The following PARVA variants were observed in gnomAD, a reference collection of about 807,000 sequenced individuals.
PARVA encodes the protein alpha-parvin.
PARVA carries 25 observed loss-of-function variants against 52.6 expected under a neutral mutation model. The observed-to-expected ratio is 0.48, with a 90% confidence interval of 0.35 to 0.66. PARVA has a LOEUF of 0.66. Among genes scored for constraint, PARVA ranks in the 30% least tolerant of loss-of-function variants. The probability of loss-of-function intolerance (pLI) is 0.01; values close to 1 mark genes in which losing one functional copy is unlikely to be tolerated. For synonymous variants in PARVA, 185 were observed against 179.1 expected, an observed-to-expected ratio of 1.03 and a Z score of -0.26; for missense variants, 373 against 450.9, an observed-to-expected ratio of 0.83 and a Z score of 1.56.
At chr11:12,458,372 G>A (rs1045527674) in intron 1 of PARVA, among the ~76,000 whole-genome samples, 7 of 152,230 alleles carry the variant, frequency 4.6e-5, no homozygotes, top group African/African-American at 1.2e-4. Context: ...ACCTGAGCCA[G>A]GCTAGGGACA....
chr11:12,521,442 A>G (rs7928190), intron 12 of PARVA, among the ~76,000 whole-genome samples: 9,575 of 152,272 alleles, frequency 0.063, 753 homozygotes, highest in African/African-American at 0.19. Flanking sequence ...ATTTTTATTC[A>G]GTCCCTATTT....
intron 4 of PARVA, among the ~76,000 whole-genome samples, chr11:12,488,100 C>G (rs562615122): frequency 4.6e-4 from 70 of 152,216 alleles, no homozygotes; most frequent in South Asian, 1.7e-3. Context: ...AAAGAGGAAA[C>G]TACTTAAATA....
chr11:12,516,071 T>C (rs1253137521), intron 10 of PARVA, among the ~76,000 whole-genome samples: 1 of 152,184 alleles, frequency 6.6e-6, no homozygotes, highest in Non-Finnish European at 1.5e-5. Flanking sequence ...ACTCCTGAGC[T>C]CAAGCGATCC....
At chr11:12,380,502 C>G (rs936774618) in intron 1 of PARVA, among the ~76,000 whole-genome samples, 2 of 150,984 alleles carry the variant, frequency 1.3e-5, no homozygotes, top group African/African-American at 4.9e-5. Flanking sequence ...TCTCTGTCTT[C>G]TTGCCCGTGC....
chr11:12,428,253 T>C (rs1396901656), intron 1 of PARVA, among the ~76,000 whole-genome samples: 1 of 152,170 alleles, frequency 6.6e-6, no homozygotes, highest in Non-Finnish European at 1.5e-5. Context: ...GAAAGTAATA[T>C]GGTTTTTCTA....
Position 12,418,096 on chromosome 11 carries a change from G to C in PARVA, c.136+40313G>C, listed in dbSNP as rs1475118543. On this transcript the variant is annotated intron_variant, in intron 1 of 12. Transcript: ENST00000334956. ...AAGGTTCCTGCTGGCACCCCCACTG[G>C]GCTCAGATAAGAATCAGGAACCGAA... 2.0e-5 allele frequency among the ~76,000 whole-genome samples: 3 copies of C among 152,204 alleles called. No individual in the cohort carries two copies. The South Asian group carries it at 6.2e-4, about 32-fold the overall frequency.
intron 1 of PARVA, among the ~76,000 whole-genome samples, chr11:12,466,994 A>C (rs1940862405): frequency 6.6e-6 from 1 of 152,212 alleles, no homozygotes; most frequent in African/African-American, 2.4e-5. Context: ...TGAAATCTTA[A>C]GTTTTCCAGT....
At chr11:12,514,864 T>C (rs1941549270) in intron 10 of PARVA, among the ~76,000 whole-genome samples, 1 of 152,246 alleles carries the variant, frequency 6.6e-6, no homozygotes, top group Admixed American at 6.5e-5. Context: ...AGTTGTCCAG[T>C]TTGCTCACAT....
rs1941309386 is a variant in PARVA at position 12,497,172 on chromosome 11, A to C, written c.541+574A>C. Among the ~76,000 whole-genome samples, 3 of 152,128 alleles carry C rather than the reference A, an allele frequency of 2.0e-5. No homozygotes were observed. The South Asian group carries it at 6.2e-4, about 32-fold the overall frequency. ...AAATTATTAGTTTATAATAATTATT[A>C]GTTTATAAATTATTAGTTCATTTAC... On this transcript the variant is annotated intron_variant, in intron 5 of 12. Coordinates refer to ENST00000334956, the MANE Select transcript of PARVA (RefSeq NM_018222.5).
chr11:12,381,796 T>C (rs1242057438), intron 1 of PARVA, among the ~76,000 whole-genome samples: 1 of 152,236 alleles, frequency 6.6e-6, no homozygotes, highest in Non-Finnish European at 1.5e-5. Flanking sequence ...TTACATTGTC[T>C]GACTGAAATG....
At chr11:12,444,420 C>T (rs1697172989) in intron 1 of PARVA, among the ~76,000 whole-genome samples, 1 of 152,066 alleles carries the variant, frequency 6.6e-6, no homozygotes, top group African/African-American at 2.4e-5. Context: ...GTATAATACT[C>T]AGCCCAGTAT....
At chr11:12,456,482 G>T (rs1940698385) in intron 1 of PARVA, among the ~76,000 whole-genome samples, 1 of 151,978 alleles carries the variant, frequency 6.6e-6, no homozygotes, top group Admixed American at 6.6e-5. Context: ...CCTGTTCCCA[G>T]CCATCCTACA....
In PARVA at chr11:12,464,525, T is replaced by C. The variant is rs1416115182; in HGVS notation, c.137-9220T>C. ...TAAATGCAGTTCCTTTTGCCTTTGG[T>C]CTTATAGAGTCATCTCATTTCCAGA... is the stretch of plus-strand genomic sequence containing the variant. On this transcript the variant is annotated intron_variant, in intron 1 of 12. Coordinates refer to ENST00000334956, the MANE Select transcript of PARVA (RefSeq NM_018222.5). Among the ~76,000 whole-genome samples, 4 of 152,192 alleles carry C rather than the reference T, an allele frequency of 2.6e-5. No individual in the cohort carries two copies. In the South Asian group the frequency reaches 8.3e-4, roughly 32 times the overall value.
At chr11:12,411,872 A>G (rs1173808901) in intron 1 of PARVA, among the ~76,000 whole-genome samples, 2 of 152,122 alleles carry the variant, frequency 1.3e-5, no homozygotes, top group Non-Finnish European at 2.9e-5. Context: ...AGCCCTGCCC[A>G]CATCACCAGC....
chr11:12,534,114 G>C lies in PARVA; in HGVS notation c.*6189G>C, dbSNP rs1941807710. Among the ~76,000 whole-genome samples the C allele has an allele frequency of 6.6e-6, 1 of 152,142 alleles. No individual in the cohort carries two copies. Among genetic ancestry groups the C allele is most frequent in the Non-Finnish European group, 1.5e-5 (1 of 68,030 alleles). ...ACCCAGGAGGCAGAGGTTGCAATGA[G>C]CTGAGATCGCATCACTGCACTCAAG... On this transcript the variant is annotated 3_prime_UTR_variant, in exon 13 of 13. Transcript: ENST00000334956.
chr11:12,443,243 C>G (rs2135006194), intron 1 of PARVA, among the ~76,000 whole-genome samples: 2 of 138,978 alleles, frequency 1.4e-5, no homozygotes, highest in Middle Eastern at 4.8e-3. Context: ...GCAATCTCAG[C>G]TCACTGCAAC....
chr11:12,438,538 T>A (rs903836886), intron 1 of PARVA, among the ~76,000 whole-genome samples: 1 of 152,110 alleles, frequency 6.6e-6, no homozygotes, highest in Non-Finnish European at 1.5e-5. Context: ...CCTCTTAAAG[T>A]CCCCACCTTT....
intron 1 of PARVA, among the ~76,000 whole-genome samples, chr11:12,444,750 G>A (rs977930715): frequency 6.6e-6 from 1 of 152,136 alleles, no homozygotes; most frequent in Admixed American, 6.5e-5. Context: ...GAAGGAAGAA[G>A]CCACTGGTTA....
At chr11:12,507,446 C>A (rs1408958324) in intron 6 of PARVA, among the ~76,000 whole-genome samples, 1 of 152,230 alleles carries the variant, frequency 6.6e-6, no homozygotes, top group Non-Finnish European at 1.5e-5. Context: ...CATGCCCACA[C>A]AGTGCTTTTT....
Sources: allele counts gnomAD v4.1 joint callset (sites outside exome capture counted in the v4.1 genomes callset), GRCh38; gene constraint gnomAD v4.1.1; transcripts MANE v1.5; gene names NCBI Gene and HGNC (gene_info 2026-07-23, HGNC 2026-07-21).